Variants in TRIP12 observed in about 807,000 individuals in gnomAD.
The protein encoded by TRIP12 is thyroid hormone receptor interactor 12, also known as E3 ubiquitin-protein ligase TRIP12.
TRIP12 carries 25 observed loss-of-function variants against 244.2 expected under a neutral mutation model. The observed-to-expected ratio is 0.10, with a 90% CI of 0.07 to 0.14. The LOEUF (loss-of-function observed/expected upper bound fraction) is 0.14, where lower values mean the gene tolerates loss of function less well. Among genes scored for constraint, TRIP12 ranks in the 10% least tolerant of loss-of-function variants. The pLI, the probability that TRIP12 is intolerant of heterozygous loss-of-function variation, is 1.00. For synonymous variants in TRIP12, 905 were observed against 873.1 expected (o/e 1.04, Z -0.64); for missense variants, 1,677 against 2,486.4 (o/e 0.67, Z 6.92).
In TRIP12 at chr2:229,859,482, G is replaced by A; in HGVS notation, c.317C>T (p.Pro106Leu). ...CACTCCTCGAGAATTGTCTTTCTTAGGCACCTGCCCCGTTTTTTGTCTTTC... is the reference window on the plus strand; with the variant it reads ...CACTCCTCGAGAATTGTCTTTCTTAAGCACCTGCCCCGTTTTTTGTCTTTC... ...TSERQKTGQV[P>L]KKDNSRGVKR... The change falls in exon 4 of 42, where the codon CCT becomes CTT. Residue 106 changes from proline to leucine, a missense_variant. Around this residue, in one of 11 missense-constraint regions of TRIP12, gnomAD observed 387 missense variants for 392.6 expected, o/e 0.99. Coordinates refer to ENST00000675903, the MANE Select transcript of TRIP12 (RefSeq NM_001348323.3). The A allele has an allele frequency of 6.2e-7, 1 of 1,614,162 alleles. No individual in the cohort carries two copies. The highest frequency in any genetic ancestry group is 8.5e-7 in the Non-Finnish European group (1 of 1,180,044).
At chr2:229,864,267 A>G (rs1020268552) in intron 2 of TRIP12, among the ~76,000 whole-genome samples, 2 of 152,242 alleles carry the variant, frequency 1.3e-5, no homozygotes, top group Non-Finnish European at 2.9e-5. Context: ...AAATCACATC[A>G]ATTTTAATAA....
At chr2:229,902,514 A>G (rs998714695) in intron 1 of TRIP12, among the ~76,000 whole-genome samples, 2 of 152,248 alleles carry the variant, frequency 1.3e-5, no homozygotes, top group African/African-American at 4.8e-5. Context: ...CAATTGCTGC[A>G]GATACCTCAA....
chr2:229,819,793 T>C (rs1218576296), intron 8 of TRIP12, among the ~76,000 whole-genome samples: 3 of 152,174 alleles, frequency 2.0e-5, no homozygotes, highest in Admixed American at 6.6e-5. Flanking sequence ...TGTCAATGAA[T>C]GTGAAATTCT....
intron 6 of TRIP12, among the ~76,000 whole-genome samples, chr2:229,832,242 T>A (rs979749579): frequency 6.6e-6 from 1 of 152,222 alleles, no homozygotes; most frequent in Non-Finnish European, 1.5e-5. Flanking sequence ...GTCCACCACA[T>A]GGTTTTGTAA....
chr2:229,807,161 A>G (rs1189657849), intron 17 of TRIP12, among the ~76,000 whole-genome samples: 1 of 152,214 alleles, frequency 6.6e-6, no homozygotes, highest in Non-Finnish European at 1.5e-5. Flanking sequence ...TGAATTCCAA[A>G]AAGATTCACT....
intron 9 of TRIP12, among the ~76,000 whole-genome samples, chr2:229,818,036 G>C (rs1003625917): frequency 2.6e-5 from 4 of 151,962 alleles, no homozygotes. Context: ...CTATTGCTCC[G>C]TGGATCACCA....
Position 229,768,710 on chromosome 2 carries a change from C to G in TRIP12, c.5913G>C (p.Val1971=). ...TACTGAGAATCTCAAACAAAAACTT[C>G]ACAGCCCGACTATAACAGAAATAAA... The part of the protein sequence containing the change: ...DHGYTHDSRA[V]KFLFEILSSF... Residue 1971 remains valine, a synonymous_variant, in exon 41 of 42, where the codon GTG becomes GTC. Coordinates refer to ENST00000675903, the MANE Select transcript of TRIP12 (RefSeq NM_001348323.3). The G allele has an allele frequency of 6.2e-7, 1 of 1,604,882 alleles. No homozygotes were observed. Among genetic ancestry groups the G allele is most frequent in the Non-Finnish European group, 8.5e-7 (1 of 1,177,898 alleles).
chr2:229,781,885 T>C (rs1398625288), intron 34 of TRIP12, among the ~76,000 whole-genome samples: 2 of 152,172 alleles, frequency 1.3e-5, no homozygotes, highest in South Asian at 4.1e-4. Context: ...CTGGAATCTT[T>C]TCCGAGGTCA....
chr2:229,836,758 G>T, intron 6 of TRIP12, 90 bp downstream of exon 6: 1 of 1,382,378 alleles, frequency 7.2e-7, no homozygotes, highest in Non-Finnish European at 9.6e-7. Context: ...AAGTTTATAC[G>T]ATAGTAACAC....
intron 8 of TRIP12, among the ~76,000 whole-genome samples, chr2:229,819,623 A>T (rs2049481373): frequency 6.6e-6 from 1 of 152,232 alleles, no homozygotes. Context: ...ACTTGAAACC[A>T]CAATTAATTA....
chr2:229,915,665 A>G (rs902862494), intron 1 of TRIP12, among the ~76,000 whole-genome samples: 2 of 151,246 alleles, frequency 1.3e-5, no homozygotes, highest in Non-Finnish European at 2.9e-5. Context: ...AAGAATTCAT[A>G]ATCAACTAAG....
At chr2:229,806,902 T>C (rs770520092) in intron 17 of TRIP12, among the ~76,000 whole-genome samples, 38 of 152,186 alleles carry the variant, frequency 2.5e-4, no homozygotes, top group Non-Finnish European at 3.4e-4. Flanking sequence ...AATTAGAAAA[T>C]AGATAAATTC....
chr2:229,771,093 T>G (rs1240418133), intron 39 of TRIP12, among the ~76,000 whole-genome samples: 1 of 152,234 alleles, frequency 6.6e-6, no homozygotes, highest in East Asian at 1.9e-4. Context: ...TATAATACTT[T>G]CTTAAAACTT....
chr2:229,792,644 A>C (rs1260845046), intron 27 of TRIP12, among the ~76,000 whole-genome samples: 1 of 152,212 alleles, frequency 6.6e-6, no homozygotes, highest in Non-Finnish European at 1.5e-5. Flanking sequence ...TTTGCATTTT[A>C]GATTTTCAGG....
rs1441054983 is a variant in TRIP12, at chr2:229,766,540, G to C, written c.*1014C>G. The C allele has an allele frequency of 6.6e-6, 1 of 152,148 alleles. No homozygotes were observed. The highest frequency in any genetic ancestry group is 1.5e-5 in the Non-Finnish European group (1 of 68,036). The allele number at this position is 152,148 out of a possible 1,614,324, so 9.4% of individuals were successfully genotyped here. On this transcript the variant is annotated 3_prime_UTR_variant, in exon 42 of 42. Coordinates refer to ENST00000675903, the MANE Select transcript of TRIP12 (RefSeq NM_001348323.3). ...ACTGTTTTGTCCCAAGTCAGCACTG[G>C]GAGAAGGGGAAGAGGAGCGTGGAAT...
rs138250402 is a variant in TRIP12 at position 229,824,349 on chromosome 2, A to C, written c.1450+4844T>G. On this transcript the variant is annotated intron_variant, in intron 8 of 41. Transcript: ENST00000675903. ...ACTGTCATTCACACATGACTGGTGG[A>C]AACGCAAAATGGTGCAACTCCAAAT... is the stretch of plus-strand genomic sequence containing the variant. Among the ~76,000 whole-genome samples, 893 of 152,352 alleles carry C rather than the reference A, an allele frequency of 5.9e-3. 8 individuals carry two copies. Among genetic ancestry groups the C allele is most frequent in the African/African-American group, 0.02 (816 of 41,588 alleles).
chr2:229,813,803 A>G (rs1467013823), intron 13 of TRIP12, 67 bp downstream of exon 13: 3 of 1,154,890 alleles, frequency 2.6e-6, no homozygotes, highest in South Asian at 3.4e-5. Flanking sequence ...AAAATAAAAT[A>G]AAATATAAAA....
chr2:229,776,953 T>C (rs1430665749), intron 37 of TRIP12, among the ~76,000 whole-genome samples: 1 of 152,224 alleles, frequency 6.6e-6, no homozygotes, highest in African/African-American at 2.4e-5. Context: ...GTTCCTAAAT[T>C]AAGCTACCTT....
chr2:229,827,984 G>A (rs2052207887), intron 8 of TRIP12, among the ~76,000 whole-genome samples: 1 of 152,134 alleles, frequency 6.6e-6, no homozygotes, highest in South Asian at 2.1e-4. Flanking sequence ...AATCTGTACT[G>A]TATATTAGCT....
Sources: gnomAD v4.1 joint callset for allele counts (sites outside exome capture counted in the v4.1 genomes callset) on GRCh38, gnomAD v4.1.1 for gene constraint, gnomAD v4.1.1 regional missense constraint, MANE v1.5 for transcripts, NCBI Gene and HGNC (gene_info 2026-07-23, HGNC 2026-07-21) for gene names.